The following ABHD2 variants were observed in gnomAD, a reference collection of about 807,000 sequenced individuals.
ABHD2 encodes monoacylglycerol lipase ABHD2.
A neutral mutation model predicts 48.1 loss-of-function variants in ABHD2; 20 were observed. The ratio of observed to expected loss-of-function variants is 0.42; its 90% CI spans 0.29 to 0.60. The LOEUF (loss-of-function observed/expected upper bound fraction) is 0.60, where lower values mean the gene tolerates loss of function less well. Among genes scored for constraint, ABHD2 ranks in the 20% least tolerant of loss-of-function variants. The pLI is 0.24. For synonymous variants in ABHD2, 209 were observed against 214.2 expected (o/e 0.98, Z 0.21); for missense variants, 405 against 550.9 (o/e 0.74, Z 2.65).
At chr15:89,152,791 G>A (rs549462992) in intron 4 of ABHD2, among the ~76,000 whole-genome samples, 1 of 152,122 alleles carries the variant, frequency 6.6e-6, no homozygotes, top group African/African-American at 2.4e-5. Flanking sequence ...GCATTGTTCT[G>A]TCTAGCCTAT....
chr15:89,070,667 GA>G, the ABHD2 span, among the ~76,000 whole-genome samples: 5 of 152,186 alleles, frequency 3.3e-5, no homozygotes, highest in Admixed American at 6.5e-5. Flanking sequence ...TGAGAGACAT[GA>G]TATTGGTCAA....
chr15:89,144,749 T>C (rs940157336), intron 3 of ABHD2, among the ~76,000 whole-genome samples: 1 of 152,232 alleles, frequency 6.6e-6, no homozygotes, highest in Non-Finnish European at 1.5e-5. Context: ...TGATGAAATA[T>C]TCTGGAACTA....
Position 89,201,857 on chromosome 15 carries a change from G to T in ABHD2, c.*6434G>T. The T allele has an allele frequency of 1.2e-6, 1 of 851,872 alleles. No homozygotes were observed. Among genetic ancestry groups the T allele is most frequent in the Non-Finnish European group, 1.9e-6 (1 of 525,308 alleles). The allele number at this position is 851,872 out of a possible 1,614,324, so 52.8% of individuals were successfully genotyped here. On this transcript the variant is annotated 3_prime_UTR_variant, in exon 11 of 11. Transcript: ENST00000352732. The stretch of plus-strand genomic sequence containing the variant: ...TTGCTCGCTGGGGGCGGGGGACGAT[G>T]GCGAGAGGGGAGGGGGAGCGAGTTC...
the ABHD2 span, among the ~76,000 whole-genome samples, chr15:89,048,955 G>A: frequency 6.7e-6 from 1 of 149,590 alleles, no homozygotes. Flanking sequence ...GAGGAGGTGA[G>A]GCGCTCTGCT....
At chr15:89,052,460 C>G in the ABHD2 span, among the ~76,000 whole-genome samples, 1 of 151,688 alleles carries the variant, frequency 6.6e-6, no homozygotes, top group Non-Finnish European at 1.5e-5. Flanking sequence ...GATGTAAATG[C>G]CTCCTAATCC....
At chr15:89,132,943 G>T (rs1435747888) in intron 3 of ABHD2, among the ~76,000 whole-genome samples, 2 of 152,138 alleles carry the variant, frequency 1.3e-5, no homozygotes, top group African/African-American at 4.8e-5. Flanking sequence ...ATTTCAACAG[G>T]GCTAACCCAC....
chr15:89,153,519 CAA>C (rs2050625301), intron 4 of ABHD2, among the ~76,000 whole-genome samples: 1 of 152,194 alleles, frequency 6.6e-6, no homozygotes, highest in Non-Finnish European at 1.5e-5. Flanking sequence ...CTACCAGGAC[CAA>C]CATGGAAAGT....
At chr15:89,148,118 C>CAAAAAAAAAAAAAAAAAAAAAAACA in intron 3 of ABHD2, among the ~76,000 whole-genome samples, 1 of 69,578 alleles carries the variant, frequency 1.4e-5, no homozygotes, top group Non-Finnish European at 2.8e-5. Context: ...GACTCCGTCT[C>CAAAAAAAAAAAAAAAAAAAAAAACA]AAAAAAAAAA....
chr15:89,080,856 G>A, the ABHD2 span, among the ~76,000 whole-genome samples: 2 of 151,338 alleles, frequency 1.3e-5, no homozygotes, highest in African/African-American at 4.9e-5. Flanking sequence ...CACCACACCT[G>A]GCCCAAATTT....
intron 1 of ABHD2, among the ~76,000 whole-genome samples, chr15:89,108,231 G>A (rs999872676): frequency 2.6e-5 from 4 of 152,198 alleles, no homozygotes; most frequent in African/African-American, 9.7e-5. Context: ...GGTTTTACAA[G>A]GTTGGCTCCT....
chr15:89,183,379 AAAAAAATATATATATATATATATATAT>A (rs2051147582), intron 6 of ABHD2: 2 of 72,258 alleles, frequency 2.8e-5, no homozygotes, highest in African/African-American at 8.6e-5. Context: ...AAAAAAAAAA[AAAAAAATATATATATATATATATATAT>A]ATATATATAT....
At chr15:89,131,770 C>T (rs1389948855) in intron 3 of ABHD2, among the ~76,000 whole-genome samples, 2 of 152,176 alleles carry the variant, frequency 1.3e-5, no homozygotes, top group East Asian at 3.9e-4. Flanking sequence ...ATAAGTGTTG[C>T]TGTAACAGTG....
At chr15:89,183,379 AAAAAAATATATAT>A (rs1471988573) in intron 6 of ABHD2, 1 of 72,256 alleles carries the variant, frequency 1.4e-5, no homozygotes, top group East Asian at 3.1e-4. Flanking sequence ...AAAAAAAAAA[AAAAAAATATATAT>A]ATATATATAT....
Position 89,127,724 on chromosome 15 carries a change from T to TATATATAC in ABHD2, c.194+11210_194+11211insCATATATA, listed in dbSNP as rs1555428260. ...ATATATACATATATATATATACACA[T>TATATATAC]ATATATATATATATATGTATATTTT... On this transcript the variant is annotated intron_variant, in intron 3 of 10. Transcript: ENST00000352732. Among the ~76,000 whole-genome samples, 33 of 70,726 alleles carry TATATATAC rather than the reference T, an allele frequency of 4.7e-4. 1 individual carries two copies. Among genetic ancestry groups the TATATATAC allele is most frequent in the African/African-American group, 1.6e-3 (33 of 20,778 alleles). 46.4% of individuals were successfully genotyped at this position (70,726 alleles called of 152,430 possible).
chr15:89,051,546 A>T, the ABHD2 span, among the ~76,000 whole-genome samples: 1 of 152,082 alleles, frequency 6.6e-6, no homozygotes, highest in Non-Finnish European at 1.5e-5. Context: ...CCCCCACCCA[A>T]ATCTCATCTT....
At chr15:89,143,301 T>C (rs984058090) in intron 3 of ABHD2, among the ~76,000 whole-genome samples, 1 of 152,234 alleles carries the variant, frequency 6.6e-6, no homozygotes, top group Non-Finnish European at 1.5e-5. Flanking sequence ...TTATTATCAG[T>C]TGATTCTTTG....
chr15:89,198,177 G>A lies in ABHD2; in HGVS notation c.*2754G>A, dbSNP rs2051434085. On this transcript the variant is annotated 3_prime_UTR_variant, in exon 11 of 11. Transcript: ENST00000352732. This position sits in a 1 kb window ranked among gnomAD's most constrained non-coding sequence, Gnocchi z 5.1. The stretch of plus-strand genomic sequence containing the variant: ...GTTCTATTTGGGCTAAAACAAGGCT[G>A]AATTTTTAAAGAGTATTTGAATATA... The A allele has an allele frequency of 1.3e-5, 2 of 152,198 alleles. No individual in the cohort carries two copies. Among genetic ancestry groups the A allele is most frequent in the South Asian group, 2.1e-4 (1 of 4,828 alleles). The allele number at this position is 152,198 out of a possible 1,614,324, so 9.4% of individuals were successfully genotyped here.
the ABHD2 span, chr15:89,075,353 G>C: frequency 6.6e-6 from 1 of 152,406 alleles, no homozygotes; most frequent in Non-Finnish European, 1.5e-5. The surrounding 1 kb of genome is among the most constrained non-coding windows in gnomAD (Gnocchi z 4.1). Context: ...AGCCTTTATG[G>C]ATGGAGTGAG....
the ABHD2 span, among the ~76,000 whole-genome samples, chr15:89,042,519 T>C: frequency 1.3e-5 from 2 of 152,304 alleles, no homozygotes; most frequent in Admixed American, 1.3e-4. Flanking sequence ...TTTCCTGTCC[T>C]GGTTACTTCC....
Sources: allele counts gnomAD v4.1 joint callset (sites outside exome capture counted in the v4.1 genomes callset), GRCh38; gene constraint gnomAD v4.1.1; non-coding constraint Gnocchi (gnomAD v3.1); transcripts MANE v1.5; gene names NCBI Gene and HGNC (gene_info 2026-07-23, HGNC 2026-07-21).